The following SLC9A9 variants were observed in gnomAD, a reference collection of about 807,000 sequenced individuals.
SLC9A9 encodes sodium/hydrogen exchanger 9.
A neutral mutation model predicts 77.8 loss-of-function variants in SLC9A9; 62 were observed. The ratio of observed to expected loss-of-function variants is 0.80; its 90% CI spans 0.65 to 0.98. The LOEUF (loss-of-function observed/expected upper bound fraction) is 0.98, where lower values mean the gene tolerates loss of function less well. SLC9A9 is among the 50% of genes least tolerant of loss of function. The pLI is 0.00. For synonymous variants in SLC9A9, 320 were observed against 283.5 expected (o/e 1.13, Z -1.29); for missense variants, 775 against 774.9 (o/e 1.00, Z 0.00).
intron 9 of SLC9A9, among the ~76,000 whole-genome samples, chr3:143,540,191 G>C (rs2036664284): frequency 2.0e-5 from 3 of 151,954 alleles, no homozygotes; most frequent in South Asian, 4.2e-4. Flanking sequence ...TTTTATGATG[G>C]TGATAAAGAA....
chr3:143,406,978 G>GAAAAAAAAAAAAAAAAAAAAAAAAAAA (rs57344964), intron 12 of SLC9A9, among the ~76,000 whole-genome samples: 1 of 69,370 alleles, frequency 1.4e-5, no homozygotes, highest in African/African-American at 5.9e-5. Flanking sequence ...TCCATCTCGA[G>GAAAAAAAAAAAAAAAAAAAAAAAAAAA]AAAAAAAAAA....
At chr3:143,492,608 G>A (rs1351361832) in intron 11 of SLC9A9, among the ~76,000 whole-genome samples, 1 of 152,176 alleles carries the variant, frequency 6.6e-6, no homozygotes, top group Non-Finnish European at 1.5e-5. Flanking sequence ...CTGGGTTCAA[G>A]AATACATTTG....
chr3:143,341,455 A>C (rs1195263306), intron 14 of SLC9A9, among the ~76,000 whole-genome samples: 1 of 152,180 alleles, frequency 6.6e-6, no homozygotes, highest in East Asian at 1.9e-4. Context: ...AGACCAAGGG[A>C]TGAAACGTGT....
chr3:143,822,051 A>G (rs1169850391), intron 2 of SLC9A9, among the ~76,000 whole-genome samples: 1 of 152,214 alleles, frequency 6.6e-6, no homozygotes, highest in Non-Finnish European at 1.5e-5. Flanking sequence ...TGCACTTTCC[A>G]GAGTGACCCA....
At chr3:143,401,727 A>G (rs1395702035) in intron 12 of SLC9A9, among the ~76,000 whole-genome samples, 1 of 152,202 alleles carries the variant, frequency 6.6e-6, no homozygotes, top group Admixed American at 6.5e-5. Flanking sequence ...AGAAATTCAC[A>G]TACAGGTTGT....
chr3:143,842,162 C>T (rs1320954309), intron 1 of SLC9A9, among the ~76,000 whole-genome samples: 5 of 152,084 alleles, frequency 3.3e-5, no homozygotes, highest in Admixed American at 6.5e-5. Context: ...AGGCAGATCA[C>T]GAGGTCAGGA....
At chr3:143,684,901 A>G (rs1469025946) in intron 5 of SLC9A9, among the ~76,000 whole-genome samples, 11 of 152,078 alleles carry the variant, frequency 7.2e-5, no homozygotes, top group Admixed American at 2.0e-4. Flanking sequence ...ATAAAAATAA[A>G]TCGCCTATAT....
intron 11 of SLC9A9, among the ~76,000 whole-genome samples, chr3:143,474,694 A>T (rs1270805255): frequency 6.6e-6 from 1 of 151,914 alleles, no homozygotes; most frequent in Non-Finnish European, 1.5e-5. Flanking sequence ...TGAGTGAGTG[A>T]TTAGATATGA....
In SLC9A9 at chr3:143,821,617, T is replaced by C. The variant is rs149871249; in HGVS notation, c.378+10402A>G. ...TGAAATTAGGTAAGCCTGTATTTAG[T>C]GATGGGCTTGTAAACCATCTTTCTG... On this transcript the variant is annotated intron_variant, in intron 2 of 15. Transcript: ENST00000316549. Among the ~76,000 whole-genome samples the C allele has an allele frequency of 4.5e-3, 682 of 152,346 alleles. 3 individuals are homozygous for C. Among genetic ancestry groups the C allele is most frequent in the African/African-American group, 0.016 (650 of 41,568 alleles).
intron 5 of SLC9A9, among the ~76,000 whole-genome samples, chr3:143,680,864 TC>T (rs965162535): frequency 1.2e-4 from 18 of 152,290 alleles, no homozygotes; most frequent in African/African-American, 4.3e-4. Context: ...GTGAACTACA[TC>T]AATAAGTTCC....
At chr3:143,764,790 T>C (rs1379703582) in intron 4 of SLC9A9, among the ~76,000 whole-genome samples, 2 of 152,174 alleles carry the variant, frequency 1.3e-5, no homozygotes, top group Non-Finnish European at 2.9e-5. Context: ...TAGACCAGAC[T>C]GGTTTCTAAC....
At chr3:143,708,344 G>A (rs1277273633) in intron 4 of SLC9A9, among the ~76,000 whole-genome samples, 1 of 152,102 alleles carries the variant, frequency 6.6e-6, no homozygotes, top group Non-Finnish European at 1.5e-5. Flanking sequence ...TGAAGGCAGT[G>A]CGAGACTCGG....
chr3:143,360,736 G>T (rs536889215), intron 14 of SLC9A9, among the ~76,000 whole-genome samples: 1 of 152,202 alleles, frequency 6.6e-6, no homozygotes, highest in Non-Finnish European at 1.5e-5. Flanking sequence ...AATTAAGAGG[G>T]GTTTTCTATC....
intron 9 of SLC9A9, among the ~76,000 whole-genome samples, chr3:143,543,025 C>A (rs956512531): frequency 1.3e-5 from 2 of 152,214 alleles, no homozygotes; most frequent in Non-Finnish European, 2.9e-5. Context: ...TTTCTCATAA[C>A]TAACCCTTAA....
chr3:143,700,190 A>G (rs1233089673), intron 4 of SLC9A9, among the ~76,000 whole-genome samples: 3 of 151,974 alleles, frequency 2.0e-5, no homozygotes, highest in Non-Finnish European at 4.4e-5. Context: ...AACAATACCC[A>G]TGTAGCATGT....
At position 143,287,594 on chromosome 3, in the gene SLC9A9, A is replaced by G. The variant is rs536125706; in HGVS notation, c.1605-18614T>C. 9.8e-5 allele frequency among the ~76,000 whole-genome samples: 15 copies of G among 152,288 alleles called. No homozygotes were observed. In the South Asian group the frequency reaches 3.1e-3, roughly 32 times the overall value. On this transcript the variant is annotated intron_variant, in intron 14 of 15. Coordinates refer to ENST00000316549, the MANE Select transcript of SLC9A9 (RefSeq NM_173653.4). ...CAAATTCTGTTTCTTTGCCCACACA[A>G]TGAAGGAGCTGACTATATAACTGTT...
intron 14 of SLC9A9, among the ~76,000 whole-genome samples, chr3:143,275,126 G>A (rs769953981): frequency 3.3e-5 from 5 of 152,130 alleles, no homozygotes; most frequent in Non-Finnish European, 5.9e-5. Context: ...ATAATAGTTC[G>A]TGCCTATTTT....
chr3:143,293,857 G>T (rs969634597), intron 14 of SLC9A9, among the ~76,000 whole-genome samples: 1 of 152,130 alleles, frequency 6.6e-6, no homozygotes, highest in African/African-American at 2.4e-5. Flanking sequence ...AAAAGTCAAT[G>T]TTTTGAATGT....
At chr3:143,576,570 A>G (rs1230976669) in intron 7 of SLC9A9, among the ~76,000 whole-genome samples, 1 of 152,158 alleles carries the variant, frequency 6.6e-6, no homozygotes, top group Non-Finnish European at 1.5e-5. Context: ...TACTCACTCT[A>G]AACAACACCT....
Sources: allele counts gnomAD v4.1 joint callset (sites outside exome capture counted in the v4.1 genomes callset), GRCh38; gene constraint gnomAD v4.1.1; transcripts MANE v1.5; gene names NCBI Gene and HGNC (gene_info 2026-07-23, HGNC 2026-07-21).